Variants in TTLL7 observed in about 807,000 individuals in gnomAD.
The protein encoded by TTLL7 is tubulin tyrosine ligase like 7, also known as tubulin polyglutamylase TTLL7.
In TTLL7, 53 loss-of-function variants were observed where a neutral mutation model predicts 120.2. The observed-to-expected ratio is 0.44, with a 90% CI of 0.35 to 0.55. The LOEUF (loss-of-function observed/expected upper bound fraction) is 0.55, where lower values mean the gene tolerates loss of function less well. Ranked by LOEUF, TTLL7 falls within the 20% of genes least tolerant of loss-of-function variation. TTLL7 has a pLI of 0.00. For missense variants in TTLL7, 803 were observed against 1,054.7 expected, an observed-to-expected ratio of 0.76 and a Z score of 3.31; for synonymous variants, 353 against 351.7, an observed-to-expected ratio of 1.00 and a Z score of -0.04.
At chr1:83,877,121 A>C (rs1653993599) in intron 20 of TTLL7, among the ~76,000 whole-genome samples, 1 of 151,986 alleles carries the variant, frequency 6.6e-6, no homozygotes, top group Non-Finnish European at 1.5e-5. Flanking sequence ...GAATTCTATC[A>C]AGATTTTTAT....
chr1:83,946,784 T>C (rs1038080850), intron 6 of TTLL7, among the ~76,000 whole-genome samples: 2 of 152,192 alleles, frequency 1.3e-5, no homozygotes, highest in African/African-American at 4.8e-5. Flanking sequence ...AGCTCTACTG[T>C]AGCAACTGAT....
chr1:83,907,546 AG>A lies in TTLL7; in HGVS notation c.1901del (p.Ser634LeufsTer8). ...GGTTTAAGGAATGTGACCGAGATGC[AG>A]AAGTTGGCCGTGACACAGATATCAT... ...QQMISVSRPT[S>X]ASRSHSLNRA... On this transcript the variant is annotated frameshift_variant, in exon 16 of 21. Transcript: ENST00000260505. LOFTEE classifies it high-confidence loss of function. 6.2e-7 allele frequency: 1 copy of A among 1,613,434 alleles called. No homozygotes were observed. Among genetic ancestry groups the A allele is most frequent in the Non-Finnish European group, 8.5e-7 (1 of 1,179,572 alleles).
chr1:83,940,476 A>T (rs1425780404), intron 7 of TTLL7, among the ~76,000 whole-genome samples: 1 of 152,160 alleles, frequency 6.6e-6, no homozygotes, highest in African/African-American at 2.4e-5. Context: ...TTTAAACTGA[A>T]TACATCCGCT....
In TTLL7 at chr1:83,911,261, C is replaced by T. The variant is rs890685116; in HGVS notation, c.1690G>A (p.Glu564Lys). The stretch of plus-strand genomic sequence containing the variant: ...TTTTGGTACTCTTCTTTTTCATTTT[C>T]GTCAGATTCTGAAGAGCTGCTGCTA... ...DSSSSSSESD[E>K]NEKEEYQNKK... The change falls in exon 15 of 21, where the codon GAA (glutamate) becomes AAA (lysine). Residue 564 changes from glutamate (E) to lysine (K), a missense_variant. Coordinates refer to ENST00000260505, the MANE Select transcript of TTLL7 (RefSeq NM_024686.6). 3.1e-6 allele frequency: 5 copies of T among 1,613,222 alleles called. No individual in the cohort carries two copies. Among genetic ancestry groups the T allele is most frequent in the African/African-American group, 1.3e-5 (1 of 74,868 alleles).
At chr1:83,988,067 ATTG>A (rs1371798311) in intron 1 of TTLL7, among the ~76,000 whole-genome samples, 1 of 152,116 alleles carries the variant, frequency 6.6e-6, no homozygotes, top group Non-Finnish European at 1.5e-5. Flanking sequence ...CCCAGAGTCT[ATTG>A]TTGTCATCTT....
intron 1 of TTLL7, chr1:83,984,251 C>G (rs1175947608): frequency 2.0e-5 from 3 of 152,138 alleles, no homozygotes; most frequent in Non-Finnish European, 4.4e-5. Context: ...TGGCAACTAA[C>G]AAAAAGTCAA....
intron 5 of TTLL7, among the ~76,000 whole-genome samples, chr1:83,947,881 A>G (rs1336894127): frequency 1.3e-5 from 2 of 152,126 alleles, no homozygotes; most frequent in Non-Finnish European, 2.9e-5. Flanking sequence ...TTTTTAAAAA[A>G]TTATCAGTTT....
chr1:83,929,412 G>A (rs1035022333), intron 9 of TTLL7, among the ~76,000 whole-genome samples, 182 bp from the exon 10 acceptor site: 2 of 152,050 alleles, frequency 1.3e-5, no homozygotes, highest in African/African-American at 4.8e-5. Flanking sequence ...TCAACAAATT[G>A]CAAGGGATTG....
chr1:83,996,669 C>T (rs1464983604), intron 1 of TTLL7, among the ~76,000 whole-genome samples: 1 of 152,084 alleles, frequency 6.6e-6, no homozygotes, highest in East Asian at 1.9e-4. Flanking sequence ...GTAAAATTTC[C>T]CCTGCTAGAC....
intron 1 of TTLL7, among the ~76,000 whole-genome samples, chr1:83,991,676 G>A (rs1653015491): frequency 6.6e-6 from 1 of 151,980 alleles, no homozygotes; most frequent in South Asian, 2.1e-4. Flanking sequence ...TAAAAATAAT[G>A]CTACAAAATA....
intron 1 of TTLL7, among the ~76,000 whole-genome samples, chr1:83,987,275 T>TA (rs1259591942): frequency 5.9e-5 from 9 of 151,296 alleles, no homozygotes; most frequent in African/African-American, 1.9e-4. Context: ...AAAAAAAAAT[T>TA]AAAAAAATAT....
intron 17 of TTLL7, among the ~76,000 whole-genome samples, chr1:83,905,853 A>C (rs1455024113): frequency 6.6e-6 from 1 of 152,026 alleles, no homozygotes; most frequent in African/African-American, 2.4e-5. Context: ...AAAAACACAC[A>C]GCTCAGCATA....
chr1:83,892,918 G>GAA (rs1254883728), intron 18 of TTLL7, among the ~76,000 whole-genome samples: 4 of 109,976 alleles, frequency 3.6e-5, no homozygotes, highest in Non-Finnish European at 7.4e-5. Context: ...AAAGAAAAAA[G>GAA]AAAGAAAAAG....
At chr1:83,973,542 G>T (rs1651188165) in intron 1 of TTLL7, among the ~76,000 whole-genome samples, 1 of 151,874 alleles carries the variant, frequency 6.6e-6, no homozygotes, top group Admixed American at 6.6e-5. Context: ...ATATTGTGTT[G>T]GCTCTTCTGG....
intron 13 of TTLL7, among the ~76,000 whole-genome samples, chr1:83,919,164 C>T (rs11163867): frequency 0.47 from 71,010 of 151,154 alleles, 17,833 homozygotes; most frequent in Non-Finnish European, 0.57. Flanking sequence ...CAGCTGTGCC[C>T]AGCCACGATT....
chr1:83,907,344 G>T, intron 16 of TTLL7, 112 bp downstream of exon 16: 2 of 907,890 alleles, frequency 2.2e-6, no homozygotes, highest in Non-Finnish European at 3.4e-6. Context: ...AAGAGGTCAT[G>T]AGTTGAATTA....
chr1:83,985,115 A>G lies in TTLL7; in HGVS notation c.-177+13816T>C, dbSNP rs138757153. Among the ~76,000 whole-genome samples the G allele has an allele frequency of 1.5e-3, 232 of 152,266 alleles. 6 individuals carry two copies. In the East Asian group the frequency reaches 0.044, roughly 29 times the overall value. On this transcript the variant is annotated intron_variant, in intron 1 of 20. Coordinates refer to ENST00000260505, the MANE Select transcript of TTLL7 (RefSeq NM_024686.6). ...GGATTACAAGACAAAGTCCCACAAT[A>G]GGCCGCCTGTAAGCTGGGGAAGACA...
At chr1:83,989,976 T>C (rs1652830878) in intron 1 of TTLL7, among the ~76,000 whole-genome samples, 1 of 152,284 alleles carries the variant, frequency 6.6e-6, no homozygotes, top group South Asian at 2.1e-4. Flanking sequence ...GATTGCATTC[T>C]TGATTTGGCT....
chr1:83,958,487 C>T (rs974898315), intron 1 of TTLL7, among the ~76,000 whole-genome samples: 8 of 152,118 alleles, frequency 5.3e-5, no homozygotes, highest in Non-Finnish European at 1.0e-4. Context: ...TTACAATTAA[C>T]AGTCAGAAAT....
Sources: allele counts gnomAD v4.1 joint callset (sites outside exome capture counted in the v4.1 genomes callset), GRCh38; gene constraint gnomAD v4.1.1; transcripts MANE v1.5; gene names NCBI Gene and HGNC (gene_info 2026-07-23, HGNC 2026-07-21).